Variants in FTO observed in about 807,000 individuals in gnomAD.
FTO encodes the protein FTO alpha-ketoglutarate dependent dioxygenase.
In FTO, 47 loss-of-function variants were observed where a neutral mutation model predicts 63.9. That is an observed-to-expected ratio of 0.74 (90% CI 0.58 to 0.94). FTO has a LOEUF of 0.94. FTO is among the 40% of genes least tolerant of loss of function. FTO has a pLI of 0.00. For missense variants in FTO, 562 were observed against 618.1 expected (o/e 0.91, Z 0.96); for synonymous variants, 207 against 224.4 (o/e 0.92, Z 0.69).
At chr16:53,955,303 G>A (rs1231385585) in intron 8 of FTO, among the ~76,000 whole-genome samples, 1 of 152,164 alleles carries the variant, frequency 6.6e-6, no homozygotes, top group African/African-American at 2.4e-5. Flanking sequence ...TTCTTGTGCT[G>A]GTAGAGCTTA....
At chr16:53,815,650 T>TTTTTTG (rs2078658692) in intron 2 of FTO, among the ~76,000 whole-genome samples, 1 of 43,142 alleles carries the variant, frequency 2.3e-5, no homozygotes, top group African/African-American at 4.8e-5. Context: ...TTTTTTTTTT[T>TTTTTTG]TTTTTTTTTT....
At chr16:53,791,156 G>T (rs2151687807) in intron 1 of FTO, among the ~76,000 whole-genome samples, 1 of 152,278 alleles carries the variant, frequency 6.6e-6, no homozygotes, top group African/African-American at 2.4e-5. Context: ...GAATGGTAGT[G>T]GTTGAAGCCA....
intron 8 of FTO, among the ~76,000 whole-genome samples, chr16:54,026,460 A>G (rs1204524457): frequency 1.3e-5 from 2 of 152,220 alleles, no homozygotes; most frequent in African/African-American, 2.4e-5. Flanking sequence ...CCTAGACTCC[A>G]TTACCTAAAA....
At chr16:54,068,736 T>C (rs2085790444) in intron 8 of FTO, among the ~76,000 whole-genome samples, 1 of 152,170 alleles carries the variant, frequency 6.6e-6, no homozygotes, top group South Asian at 2.1e-4. Context: ...GGTCGGCTGA[T>C]AGTTATTTGA....
chr16:53,731,831 T>TC (rs1157068876), intron 1 of FTO, among the ~76,000 whole-genome samples: 1 of 150,262 alleles, frequency 6.7e-6, no homozygotes, highest in Non-Finnish European at 1.5e-5. Flanking sequence ...CACTGCAAGC[T>TC]CCTCCTCCTG....
At chr16:53,825,820 G>A in intron 2 of FTO, 44 bp from the exon 3 acceptor site, 1 of 1,600,688 alleles carries the variant, frequency 6.2e-7, no homozygotes, top group Non-Finnish European at 8.5e-7. Context: ...TAATACAATT[G>A]TAGCTATATA....
Position 53,873,801 on chromosome 16 carries a change from C to T in FTO, c.911C>T (p.Thr304Ile). 1 of 1,612,870 alleles carries T rather than the reference C, an allele frequency of 6.2e-7. No homozygotes were observed. The highest frequency in any genetic ancestry group is 8.5e-7 in the Non-Finnish European group (1 of 1,179,116). The change falls in exon 5 of 9, where the codon ACC (threonine) becomes ATC (isoleucine). Residue 304 changes from threonine to isoleucine, a missense_variant. Physicochemically the swap from Thr to Ile is moderately conservative, Grantham distance 89. Transcript: ENST00000471389. ...TTTCCTGTAGATGATCTCAATGCCA[C>T]CCACCAACACTGTGTTTTGGCCGGT... ...CYFMLDDLNATHQHCVLAGSQ... is the reference protein window; with the variant it reads ...CYFMLDDLNAIHQHCVLAGSQ...
At chr16:53,971,970 C>G (rs1006323069) in intron 8 of FTO, among the ~76,000 whole-genome samples, 44 of 152,236 alleles carry the variant, frequency 2.9e-4, no homozygotes, top group African/African-American at 7.5e-4. Flanking sequence ...TTGCCTCCCC[C>G]CTTCCCTCCT....
chr16:54,009,204 T>C (rs1349155169), intron 8 of FTO, among the ~76,000 whole-genome samples: 1 of 152,148 alleles, frequency 6.6e-6, no homozygotes, highest in Non-Finnish European at 1.5e-5. Context: ...TCTGCTGCTG[T>C]AAACTGTGGT....
chr16:53,825,747 A>G (rs1391019132), intron 2 of FTO, 117 bp from the exon 3 acceptor site: 1 of 1,143,232 alleles, frequency 8.7e-7, no homozygotes, highest in African/African-American at 1.5e-5. Flanking sequence ...CTATTTAGAA[A>G]TAGCCACCAG....
intron 2 of FTO, chr16:53,814,937 G>A (rs1048835992): frequency 1.3e-5 from 2 of 152,230 alleles, no homozygotes; most frequent in Non-Finnish European, 1.5e-5. Flanking sequence ...GGCAGGTGAT[G>A]TAGGAGCAAG....
intron 2 of FTO, among the ~76,000 whole-genome samples, chr16:53,815,490 C>G (rs984366592): frequency 1.3e-5 from 2 of 152,130 alleles, no homozygotes; most frequent in Admixed American, 6.5e-5. Context: ...TAGCATCCTC[C>G]TGATTAGCGT....
chr16:53,909,943 T>G (rs139166738), intron 7 of FTO, among the ~76,000 whole-genome samples: 93 of 152,164 alleles, frequency 6.1e-4, no homozygotes, highest in Non-Finnish European at 1.1e-3. Flanking sequence ...AGTGGTATAA[T>G]CATAGCTTAC....
intron 1 of FTO, among the ~76,000 whole-genome samples, chr16:53,725,995 C>G (rs1327035015): frequency 6.6e-6 from 1 of 152,088 alleles, no homozygotes; most frequent in Non-Finnish European, 1.5e-5. Flanking sequence ...TTTCTTTTTA[C>G]TCAATTAAGA....
Position 53,852,135 on chromosome 16 carries a change from G to GTAAGCCAGC in FTO, c.895+7839_895+7840insAGCCAGCTA, listed in dbSNP as rs528090678. Among the ~76,000 whole-genome samples, 196 of 145,892 alleles carry GTAAGCCAGC rather than the reference G, an allele frequency of 1.3e-3. 6 individuals are homozygous for GTAAGCCAGC. The South Asian group carries it at 0.04, about 30-fold the overall frequency. ...AAAAAAAAAAAGCCAGGTAAGCCAG[G>GTAAGCCAGC]TATGGTGGCAAACACCCGTGGTCAC... is the stretch of plus-strand genomic sequence containing the variant. On this transcript the variant is annotated intron_variant, in intron 4 of 8. Coordinates refer to ENST00000471389, the MANE Select transcript of FTO (RefSeq NM_001080432.3).
intron 4 of FTO, among the ~76,000 whole-genome samples, chr16:53,869,013 GTATAGACAGGGT>G (rs1203671507): frequency 6.6e-6 from 1 of 151,950 alleles, no homozygotes; most frequent in Non-Finnish European, 1.5e-5. Flanking sequence ...TGTATTTTTA[GTATAGACAGGGT>G]TTTACCATGT....
At chr16:54,073,600 T>C (rs904279652) in intron 8 of FTO, among the ~76,000 whole-genome samples, 3 of 145,292 alleles carry the variant, frequency 2.1e-5, no homozygotes, top group Admixed American at 6.8e-5. Flanking sequence ...CTCTCTCTCT[T>C]CTCTCTCTCT....
intron 1 of FTO, among the ~76,000 whole-genome samples, chr16:53,739,435 T>C (rs1355188927): frequency 6.6e-6 from 1 of 151,384 alleles, no homozygotes; most frequent in Non-Finnish European, 1.5e-5. Context: ...AGGATGGTCT[T>C]GATCTCCTGA....
intron 1 of FTO, among the ~76,000 whole-genome samples, chr16:53,765,058 G>A (rs1057410795): frequency 6.6e-6 from 1 of 152,004 alleles, no homozygotes; most frequent in Non-Finnish European, 1.5e-5. Context: ...GTAATACTTC[G>A]ATGGAGAATA....
Sources: gnomAD v4.1 joint callset for allele counts (sites outside exome capture counted in the v4.1 genomes callset) on GRCh38, gnomAD v4.1.1 for gene constraint, MANE v1.5 for transcripts, NCBI Gene and HGNC (gene_info 2026-07-23, HGNC 2026-07-21) for gene names.